The following TTC6 variants were observed in gnomAD, a reference collection of about 807,000 sequenced individuals.
TTC6 encodes tetratricopeptide repeat protein 6.
Under a neutral mutation model 210.4 loss-of-function variants are expected in TTC6, and 172 were observed. That is an observed-to-expected ratio of 0.82 (90% CI 0.72 to 0.93). The LOEUF is 0.93. Among genes scored for constraint, TTC6 ranks in the 40% least tolerant of loss-of-function variants. The probability of loss-of-function intolerance (pLI) is 0.00; values close to 1 mark genes in which losing one functional copy is unlikely to be tolerated. For synonymous variants in TTC6, 804 were observed against 819.6 expected, an observed-to-expected ratio of 0.98 and a Z score of 0.32; for missense variants, 2,414 against 2,318.1, an observed-to-expected ratio of 1.04 and a Z score of -0.85.
intron 2 of TTC6, among the ~76,000 whole-genome samples, chr14:37,680,920 A>G (rs2095782129): frequency 6.6e-6 from 1 of 152,118 alleles, no homozygotes; most frequent in Admixed American, 6.5e-5. Context: ...TCGTGATCAT[A>G]TTTCATTTTT....
At position 37,812,542 on chromosome 14, in the gene TTC6, AC is replaced by A. The variant is rs1207810253; in HGVS notation, c.4689+110del. 4 of 1,066,298 alleles carry A rather than the reference AC, an allele frequency of 3.8e-6. No individual in the cohort carries two copies. The African/African-American group carries it at 6.5e-5, about 17-fold the overall frequency. The allele number at this position is 1,066,298 out of a possible 1,614,324, so 66.1% of individuals were successfully genotyped here. Reference sequence around the variant, plus strand: ...GGCAATATTAATGAGTGGTAGCTCAACTTTAGCAAGAATTCTATTAAAATAC... The same window carrying A: ...GGCAATATTAATGAGTGGTAGCTCAATTTAGCAAGAATTCTATTAAAATAC... On this transcript the variant is annotated intron_variant, in intron 25 of 30. Transcript: ENST00000553443.
chr14:37,838,796 A>G (rs1425578955), intron 29 of TTC6, among the ~76,000 whole-genome samples: 1 of 152,048 alleles, frequency 6.6e-6, no homozygotes, highest in East Asian at 1.9e-4. Flanking sequence ...CGCATCATTT[A>G]CATATCCCTC....
At chr14:37,641,687 A>G (rs1164457917) in intron 1 of TTC6, among the ~76,000 whole-genome samples, 3 of 152,160 alleles carry the variant, frequency 2.0e-5, no homozygotes, top group East Asian at 1.9e-4. Flanking sequence ...TATAAGTAAT[A>G]TGTTCTCATT....
chr14:37,725,937 C>G (rs2095872224), intron 7 of TTC6, among the ~76,000 whole-genome samples: 1 of 152,014 alleles, frequency 6.6e-6, no homozygotes, highest in Admixed American at 6.6e-5. Flanking sequence ...TTATGTTATA[C>G]TGATCATTTT....
At chr14:37,703,845 G>T (rs2095830217) in intron 5 of TTC6, among the ~76,000 whole-genome samples, 1 of 152,094 alleles carries the variant, frequency 6.6e-6, no homozygotes, top group African/African-American at 2.4e-5. Context: ...ATTATAGAGA[G>T]AAGTTTGTAG....
At chr14:37,690,788 TC>T (rs2138612996) in intron 3 of TTC6, among the ~76,000 whole-genome samples, 1 of 151,894 alleles carries the variant, frequency 6.6e-6, no homozygotes, top group East Asian at 1.9e-4. Flanking sequence ...AACTTCAACA[TC>T]CCACCTACAG....
chr14:37,614,587 A>G (rs2095639611), intron 2 of TTC6, among the ~76,000 whole-genome samples: 1 of 151,790 alleles, frequency 6.6e-6, no homozygotes, highest in African/African-American at 2.4e-5. Context: ...CTTCTGCCTG[A>G]AGACCATTCT....
chr14:37,841,996 G>C (rs1212949295), intron 30 of TTC6, among the ~76,000 whole-genome samples, 159 bp from the exon 33 acceptor site: 2 of 152,064 alleles, frequency 1.3e-5, no homozygotes, highest in African/African-American at 2.4e-5. Context: ...AAATAGTTCT[G>C]TTTGAAGAAA....
chr14:37,599,680 C>T (rs1334237154), intron 1 of TTC6, among the ~76,000 whole-genome samples: 1 of 152,152 alleles, frequency 6.6e-6, no homozygotes, highest in Non-Finnish European at 1.5e-5. Flanking sequence ...GAGAGCATCG[C>T]CTTGCCAAAA....
At chr14:37,793,480 A>G (rs2096085205) in intron 17 of TTC6, among the ~76,000 whole-genome samples, 1 of 152,200 alleles carries the variant, frequency 6.6e-6, no homozygotes, top group South Asian at 2.1e-4. Flanking sequence ...TCTACATCTC[A>G]GGACCCAGTG....
chr14:37,745,832 G>C (rs1289313598), intron 10 of TTC6, among the ~76,000 whole-genome samples: 1 of 152,156 alleles, frequency 6.6e-6, no homozygotes, highest in Non-Finnish European at 1.5e-5. Context: ...CACATTGCAG[G>C]ATTCTTCCGC....
intron 29 of TTC6, among the ~76,000 whole-genome samples, chr14:37,830,787 T>G (rs1347247884): frequency 6.6e-6 from 1 of 151,996 alleles, no homozygotes; most frequent in Non-Finnish European, 1.5e-5. Context: ...TCATTTTATT[T>G]CAAAATGTTA....
intron 1 of TTC6, among the ~76,000 whole-genome samples, chr14:37,648,104 G>T (rs1407718733): frequency 1.3e-5 from 2 of 151,980 alleles, no homozygotes; most frequent in Non-Finnish European, 2.9e-5. Context: ...TTTTCAAATT[G>T]TTTATTACCA....
chr14:37,678,312 T>C (rs1301776745), intron 1 of TTC6, among the ~76,000 whole-genome samples: 2 of 152,186 alleles, frequency 1.3e-5, no homozygotes, highest in Admixed American at 1.3e-4. Context: ...ATCTTGCATG[T>C]CTGGTGGGAG....
At chr14:37,735,958 C>T in exon 8 of TTC6, 1 of 1,534,000 alleles carries the variant, frequency 6.5e-7, no homozygotes. Flanking sequence ...GATAAATTGT[C>T]ATATAAAAGC....
chr14:37,639,982 A>ATATATG (rs2095688710), intron 1 of TTC6, among the ~76,000 whole-genome samples: 1 of 151,256 alleles, frequency 6.6e-6, no homozygotes, highest in Non-Finnish European at 1.5e-5. Flanking sequence ...ACTAGGTCAC[A>ATATATG]TATATGTATA....
intron 3 of TTC6, among the ~76,000 whole-genome samples, chr14:37,685,935 A>C (rs1389731148): frequency 6.6e-6 from 1 of 152,202 alleles, no homozygotes; most frequent in Non-Finnish European, 1.5e-5. Context: ...TGACTCATTA[A>C]AAGAATTGTG....
intron 14 of TTC6, among the ~76,000 whole-genome samples, chr14:37,760,193 T>C (rs1339239720): frequency 3.3e-4 from 50 of 152,070 alleles, no homozygotes; most frequent in Admixed American, 3.3e-3. Context: ...TGTGTGGGTG[T>C]CCTTTTTGTT....
At chr14:37,732,017 G>T (rs2095887515) in intron 7 of TTC6, among the ~76,000 whole-genome samples, 1 of 151,894 alleles carries the variant, frequency 6.6e-6, no homozygotes, top group Non-Finnish European at 1.5e-5. Context: ...AACAATGTGA[G>T]GGTTGGGGGT....
Sources: allele counts gnomAD v4.1 joint callset (sites outside exome capture counted in the v4.1 genomes callset), GRCh38; gene constraint gnomAD v4.1.1; transcripts MANE v1.5; gene names NCBI Gene and HGNC (gene_info 2026-07-23, HGNC 2026-07-21).